The following MPPED1 variants were observed in gnomAD, a reference collection of about 807,000 sequenced individuals.
MPPED1 encodes metallophosphoesterase domain containing 1.
In MPPED1, 16 loss-of-function variants were observed where a neutral mutation model predicts 36.2. That is an observed-to-expected ratio of 0.44 (90% confidence interval 0.30 to 0.67). MPPED1 has a LOEUF of 0.67. Ranked by LOEUF, MPPED1 falls within the 30% of genes least tolerant of loss-of-function variation. MPPED1 has a pLI of 0.10. For synonymous variants in MPPED1, 199 were observed against 191.3 expected, an observed-to-expected ratio of 1.04 and a Z score of -0.33; for missense variants, 307 against 453.4, an observed-to-expected ratio of 0.68 and a Z score of 2.93.
chr22:43,473,890 G>C (rs1931458704), intron 3 of MPPED1, among the ~76,000 whole-genome samples: 1 of 152,256 alleles, frequency 6.6e-6, no homozygotes, highest in African/African-American at 2.4e-5. Context: ...ACCCCAGAGA[G>C]AGAAAGATGT....
intron 6 of MPPED1, 127 bp from the exon 7 acceptor site, chr22:43,505,371 G>A (rs1602033571): frequency 5.7e-6 from 4 of 705,108 alleles, no homozygotes; most frequent in South Asian, 1.8e-5. Flanking sequence ...GACTGACCTC[G>A]AGAGTTTACC....
At chr22:43,492,181 C>T (rs1419119263) in intron 4 of MPPED1, among the ~76,000 whole-genome samples, 1 of 152,092 alleles carries the variant, frequency 6.6e-6, no homozygotes, top group Non-Finnish European at 1.5e-5. Context: ...TTAGTCATTT[C>T]AACAGCCGTA....
chr22:43,428,144 C>T (rs1601949824), intron 2 of MPPED1, among the ~76,000 whole-genome samples: 1 of 152,114 alleles, frequency 6.6e-6, no homozygotes, highest in African/African-American at 2.4e-5. Context: ...GTCATGAAAG[C>T]GTGTGATGCT....
At chr22:43,499,119 A>AGGTGATGAAGGTGGT (rs1407647824) in intron 5 of MPPED1, among the ~76,000 whole-genome samples, 4 of 124,860 alleles carry the variant, frequency 3.2e-5, no homozygotes, top group South Asian at 2.8e-4. Context: ...ATGGTGGTGG[A>AGGTGATGAAGGTGGT]GGTGATGAAG....
At chr22:43,463,331 C>CTTTTTTTT (rs3047468) in intron 3 of MPPED1, among the ~76,000 whole-genome samples, 1 of 121,066 alleles carries the variant, frequency 8.3e-6, no homozygotes, top group Non-Finnish European at 1.7e-5. Flanking sequence ...ATGATTTTTT[C>CTTTTTTTT]TTTTTTTTTT....
intron 6 of MPPED1, among the ~76,000 whole-genome samples, chr22:43,505,119 G>A (rs1602033310): frequency 1.3e-5 from 2 of 150,874 alleles, no homozygotes; most frequent in South Asian, 2.1e-4. Flanking sequence ...GTGAAAAATA[G>A]TGATGATCAC....
intron 5 of MPPED1, among the ~76,000 whole-genome samples, chr22:43,501,329 T>G (rs1461984363): frequency 2.0e-5 from 3 of 152,166 alleles, no homozygotes; most frequent in African/African-American, 7.2e-5. Context: ...ATCTCCTTTT[T>G]TCCTCCTTTT....
At chr22:43,459,066 T>C (rs1294351514) in intron 3 of MPPED1, among the ~76,000 whole-genome samples, 1 of 152,152 alleles carries the variant, frequency 6.6e-6, no homozygotes, top group Non-Finnish European at 1.5e-5. Flanking sequence ...TGTTTCCTTT[T>C]CTTTTTTCTT....
intron 3 of MPPED1, among the ~76,000 whole-genome samples, chr22:43,460,694 C>G (rs1433404440): frequency 3.9e-5 from 6 of 152,194 alleles, no homozygotes; most frequent in African/African-American, 7.2e-5. Context: ...TCCTTACATG[C>G]CTTGAACTGA....
intron 5 of MPPED1, among the ~76,000 whole-genome samples, chr22:43,500,140 AGGTGGTGGGGG>A (rs1932630037): frequency 1.2e-4 from 4 of 32,102 alleles, no homozygotes; most frequent in Admixed American, 3.3e-4. Flanking sequence ...GTGGTAATGG[AGGTGGTGGGGG>A]TGGTGGTGGT....
chr22:43,415,420 C>G (rs867592231), intron 1 of MPPED1, among the ~76,000 whole-genome samples: 9 of 151,872 alleles, frequency 5.9e-5, no homozygotes, highest in South Asian at 2.1e-4. Context: ...ACTTTTTTCC[C>G]CCTAATGAGA....
Position 43,507,243 on chromosome 22 carries a change from C to T in MPPED1, c.*1627C>T, listed in dbSNP as rs1404623881. The T allele has an allele frequency of 6.6e-6, 1 of 152,214 alleles. No individual in the cohort carries two copies. The highest frequency in any genetic ancestry group is 1.5e-5 in the Non-Finnish European group (1 of 68,056). 9.4% of individuals were successfully genotyped at this position (152,214 alleles called of 1,614,324 possible). On this transcript the variant is annotated 3_prime_UTR_variant, in exon 7 of 7. Transcript: ENST00000443721. Reference sequence around the variant, plus strand: ...TGTCCCTACAAAGCAATGCATGGTCCAAGGCTCTTTTTATTGTATTTTTAT... The same window carrying T: ...TGTCCCTACAAAGCAATGCATGGTCTAAGGCTCTTTTTATTGTATTTTTAT...
intron 1 of MPPED1, among the ~76,000 whole-genome samples, chr22:43,421,138 G>A (rs1017953518): frequency 4.6e-5 from 7 of 152,244 alleles, no homozygotes; most frequent in Non-Finnish European, 1.0e-4. Context: ...GTGCTGTTTT[G>A]AGGACCGGGT....
At chr22:43,489,818 C>G (rs1369656755) in intron 4 of MPPED1, among the ~76,000 whole-genome samples, 4 of 152,190 alleles carry the variant, frequency 2.6e-5, no homozygotes, top group African/African-American at 9.7e-5. Flanking sequence ...TGCACCCGGC[C>G]CCTGTCCACC....
Position 43,420,344 on chromosome 22 carries a change from C to T in MPPED1, c.-78-4564C>T, listed in dbSNP as rs931110053. ...GACTTAGCACTTCCCCTCCCTCTGCCCAGGTTCTCATTCCCCAGGTCGGGG... is the reference window on the plus strand; with the variant it reads ...GACTTAGCACTTCCCCTCCCTCTGCTCAGGTTCTCATTCCCCAGGTCGGGG... On this transcript the variant is annotated intron_variant, in intron 1 of 6. Coordinates refer to ENST00000443721, the MANE Select transcript of MPPED1 (RefSeq NM_001044370.2). Among the ~76,000 whole-genome samples the T allele has an allele frequency of 5.3e-5, 8 of 152,156 alleles. No homozygotes were observed. The East Asian group carries it at 1.5e-3, about 29-fold the overall frequency.
At position 43,495,560 on chromosome 22, in the gene MPPED1, GTGGTGGAGGTGA is replaced by G. The variant is rs1569088801; in HGVS notation, c.633-2663_633-2652del. On this transcript the variant is annotated intron_variant, in intron 4 of 6. Transcript: ENST00000443721. ...GGAGATGGTGGTGGTGGAGATGGTG[GTGGTGGAGGTGA>G]TGGTGGAGGTGGTGGTGGTGGAGGT... Among the ~76,000 whole-genome samples the G allele has an allele frequency of 4.4e-4, 53 of 120,036 alleles. 1 individual carries two copies. The highest frequency in any genetic ancestry group is 8.7e-4 in the Non-Finnish European group (46 of 52,992). 78.7% of individuals were successfully genotyped at this position (120,036 alleles called of 152,430 possible).
chr22:43,489,957 C>T (rs1326885342), intron 4 of MPPED1, among the ~76,000 whole-genome samples: 1 of 152,208 alleles, frequency 6.6e-6, no homozygotes, highest in African/African-American at 2.4e-5. Context: ...CCTTTCCTCC[C>T]CTGCGTCAGG....
chr22:43,428,421 G>T (rs1219394004), intron 2 of MPPED1, among the ~76,000 whole-genome samples: 1 of 152,208 alleles, frequency 6.6e-6, no homozygotes, highest in Non-Finnish European at 1.5e-5. Flanking sequence ...TGAGGGGGCT[G>T]CTGCCTCCCA....
chr22:43,412,166 CGGAGGCGG>C lies in MPPED1; in HGVS notation c.-79+10_-79+17del. On this transcript the variant is annotated intron_variant, in intron 1 of 6. Coordinates refer to ENST00000443721, the MANE Select transcript of MPPED1 (RefSeq NM_001044370.2). ...AGAGGAGCCCGGGGCCAGGTAGGACCGGAGGCGGGCGGGGCGCGGCGGGCGCGGGCGGG... is the reference window on the plus strand; with the variant it reads ...AGAGGAGCCCGGGGCCAGGTAGGACCGCGGGGCGCGGCGGGCGCGGGCGGG... The C allele has an allele frequency of 1.0e-6, 1 of 978,162 alleles. No homozygotes were observed. The highest frequency in any genetic ancestry group is 1.8e-5 in the African/African-American group (1 of 56,178). The allele number at this position is 978,162 out of a possible 1,614,324, so 60.6% of individuals were successfully genotyped here. A position where few individuals can be genotyped will look rare whatever the true frequency, so the allele number is the denominator to read the frequency against.
Sources: allele counts gnomAD v4.1 joint callset (sites outside exome capture counted in the v4.1 genomes callset), GRCh38; gene constraint gnomAD v4.1.1; transcripts MANE v1.5; gene names NCBI Gene and HGNC (gene_info 2026-07-23, HGNC 2026-07-21).